The following MALRD1 variants were observed in gnomAD, a reference collection of about 807,000 sequenced individuals.
MALRD1 encodes the protein MAM and LDL receptor class A domain containing 1.
Under a neutral mutation model 242.1 loss-of-function variants are expected in MALRD1, and 247 were observed. The observed-to-expected ratio is 1.02, with a 90% CI of 0.92 to 1.13. The LOEUF (loss-of-function observed/expected upper bound fraction) is 1.13, where lower values mean the gene tolerates loss of function less well. Ranked by LOEUF, MALRD1 falls within the 50% of genes most tolerant of loss-of-function variation. MALRD1 has a pLI of 0.00. For synonymous variants in MALRD1, 995 were observed against 866.6 expected, an observed-to-expected ratio of 1.15 and a Z score of -2.60; for missense variants, 2,989 against 2,533.1, an observed-to-expected ratio of 1.18 and a Z score of -3.86.
chr10:19,616,364 G>A (rs1839157296), intron 36 of MALRD1, among the ~76,000 whole-genome samples: 1 of 151,862 alleles, frequency 6.6e-6, no homozygotes, highest in Non-Finnish European at 1.5e-5. Context: ...TATGCAGTGG[G>A]TATTTATAAG....
intron 28 of MALRD1, among the ~76,000 whole-genome samples, chr10:19,399,848 G>A (rs61850947): frequency 0.11 from 17,450 of 152,098 alleles, 1,184 homozygotes; most frequent in East Asian, 0.24. Flanking sequence ...CTGATAATCT[G>A]TTGTGACAAT....
intron 36 of MALRD1, among the ~76,000 whole-genome samples, chr10:19,628,520 T>C (rs1443952659): frequency 6.6e-6 from 1 of 152,042 alleles, no homozygotes; most frequent in African/African-American, 2.4e-5. Flanking sequence ...GAATAATATG[T>C]ATATTAAGAT....
intron 34 of MALRD1, among the ~76,000 whole-genome samples, chr10:19,604,851 G>A (rs535490799): frequency 1.3e-5 from 2 of 152,270 alleles, no homozygotes; most frequent in South Asian, 4.1e-4. Flanking sequence ...ACAATTTTAT[G>A]TGACTTGCAT....
intron 14 of MALRD1, among the ~76,000 whole-genome samples, chr10:19,181,106 T>C (rs955905532): frequency 1.3e-5 from 2 of 152,188 alleles, no homozygotes; most frequent in African/African-American, 4.8e-5. Flanking sequence ...ACTCATACTG[T>C]TGGTGCAAAT....
At chr10:19,555,270 C>T (rs1007804077) in intron 32 of MALRD1, among the ~76,000 whole-genome samples, 14 of 152,082 alleles carry the variant, frequency 9.2e-5, no homozygotes, top group African/African-American at 3.1e-4. Context: ...CTACCAGGCT[C>T]ACCTTTAACA....
chr10:19,485,961 CA>C lies in MALRD1; in HGVS notation c.5030-5552del, dbSNP rs1226968140. On this transcript the variant is annotated intron_variant, in intron 29 of 39. Coordinates refer to ENST00000454679, the MANE Select transcript of MALRD1 (RefSeq NM_001142308.3). ...ATTAGTGATTACTGTGAAAATCAGA[CA>C]AAATATTTATGATATGATAAATATA... Among the ~76,000 whole-genome samples the C allele has an allele frequency of 4.9e-4, 74 of 151,318 alleles. 1 individual carries two copies. The highest frequency in any genetic ancestry group is 1.6e-4 in the Non-Finnish European group (11 of 67,842).
In MALRD1 at chr10:19,562,460, A is replaced by G. The variant is rs147615837; in HGVS notation, c.5479-5042A>G. Among the ~76,000 whole-genome samples the G allele has an allele frequency of 6.0e-3, 911 of 152,192 alleles. 4 individuals carry two copies. The highest frequency in any genetic ancestry group is 8.2e-3 in the Admixed American group (126 of 15,294). ...CTCCCCTCAACCTTCAGAGTATTTA[A>G]CTTTCAAACTTATTCACCCTGAGCC... On this transcript the variant is annotated intron_variant, in intron 32 of 39. Coordinates refer to ENST00000454679, the MANE Select transcript of MALRD1 (RefSeq NM_001142308.3).
At chr10:19,675,119 T>A (rs1228380467) in intron 36 of MALRD1, among the ~76,000 whole-genome samples, 2 of 152,182 alleles carry the variant, frequency 1.3e-5, no homozygotes, top group African/African-American at 2.4e-5. Flanking sequence ...TTTGAAATAA[T>A]GTTGAAATGT....
rs558168349 is a variant in MALRD1, at chr10:19,102,093, A to T, written c.598-1886A>T. ...TAACATATATATGGTATAACATATTATTATATCATATATGATATATGATAT... is the reference window on the plus strand; with the variant it reads ...TAACATATATATGGTATAACATATTTTTATATCATATATGATATATGATAT... On this transcript the variant is annotated intron_variant, in intron 4 of 39. Coordinates refer to ENST00000454679, the MANE Select transcript of MALRD1 (RefSeq NM_001142308.3). Among the ~76,000 whole-genome samples, 1,040 of 145,930 alleles carry T rather than the reference A, an allele frequency of 7.1e-3. 10 individuals are homozygous for T. The highest frequency in any genetic ancestry group is 0.022 in the African/African-American group (897 of 40,224).
intron 8 of MALRD1, among the ~76,000 whole-genome samples, chr10:19,132,380 C>G (rs1833144875): frequency 6.6e-6 from 1 of 152,152 alleles, no homozygotes; most frequent in Non-Finnish European, 1.5e-5. Flanking sequence ...AAAATATGTC[C>G]ACCCCGTGTG....
At chr10:19,229,288 T>G (rs985742143) in intron 18 of MALRD1, among the ~76,000 whole-genome samples, 4 of 150,802 alleles carry the variant, frequency 2.7e-5, no homozygotes, top group Middle Eastern at 3.4e-3. Context: ...TATAGCTTTA[T>G]TTTTTTTTCC....
At chr10:19,631,355 TG>T (rs1839894331) in intron 36 of MALRD1, among the ~76,000 whole-genome samples, 1 of 152,220 alleles carries the variant, frequency 6.6e-6, no homozygotes, top group South Asian at 2.1e-4. Context: ...TAGTATTTCA[TG>T]ATGTATATGT....
chr10:19,148,069 A>C (rs1345944215), intron 11 of MALRD1, among the ~76,000 whole-genome samples: 1 of 152,208 alleles, frequency 6.6e-6, no homozygotes, highest in Non-Finnish European at 1.5e-5. Flanking sequence ...ATGTTAAAGC[A>C]TGTGACCAAT....
intron 29 of MALRD1, among the ~76,000 whole-genome samples, chr10:19,476,373 T>C (rs1053510242): frequency 6.6e-6 from 1 of 152,030 alleles, no homozygotes; most frequent in African/African-American, 2.4e-5. Flanking sequence ...GAATAATGAG[T>C]ATTTGAGGGC....
chr10:19,119,170 C>T (rs886218410), intron 5 of MALRD1, among the ~76,000 whole-genome samples: 1 of 151,938 alleles, frequency 6.6e-6, no homozygotes, highest in African/African-American at 2.4e-5. Context: ...CATGGAAGAC[C>T]CCAAATTTCT....
intron 8 of MALRD1, among the ~76,000 whole-genome samples, chr10:19,130,966 G>A (rs1355222977): frequency 6.6e-6 from 1 of 152,114 alleles, no homozygotes; most frequent in East Asian, 1.9e-4. Flanking sequence ...ATAGGGAAAT[G>A]ATCTAGTGTA....
intron 35 of MALRD1, among the ~76,000 whole-genome samples, chr10:19,614,045 C>T (rs1267192763): frequency 1.3e-5 from 2 of 151,498 alleles, no homozygotes; most frequent in African/African-American, 4.8e-5. Context: ...ATTTTTTTTT[C>T]ATCTGGAAGG....
At chr10:19,725,387 G>A (rs1834976750) in intron 38 of MALRD1, among the ~76,000 whole-genome samples, 1 of 152,060 alleles carries the variant, frequency 6.6e-6, no homozygotes, top group Non-Finnish European at 1.5e-5. Context: ...TGTGAAGAAG[G>A]GCATATTTGC....
chr10:19,166,911 G>A, intron 13 of MALRD1, among the ~76,000 whole-genome samples: 1 of 152,136 alleles, frequency 6.6e-6, no homozygotes, highest in East Asian at 1.9e-4. Context: ...TCTGCTCATT[G>A]GTTGCTAAGT....
Sources: allele counts gnomAD v4.1 joint callset (sites outside exome capture counted in the v4.1 genomes callset), GRCh38; gene constraint gnomAD v4.1.1; transcripts MANE v1.5; gene names NCBI Gene and HGNC (gene_info 2026-07-23, HGNC 2026-07-21).